The following SLC39A9 variants were observed in gnomAD, a reference collection of about 807,000 sequenced individuals.
The protein encoded by SLC39A9 is solute carrier family 39 member 9.
A neutral mutation model predicts 28.4 loss-of-function variants in SLC39A9; 14 were observed. The observed-to-expected ratio is 0.49, with a 90% CI of 0.33 to 0.77. The LOEUF (loss-of-function observed/expected upper bound fraction) is 0.77. Ranked by LOEUF, SLC39A9 falls within the 30% of genes least tolerant of loss-of-function variation. The pLI, the probability that SLC39A9 is intolerant of heterozygous loss-of-function variation, is 0.02. For synonymous variants in SLC39A9, 119 were observed against 149.6 expected (o/e 0.80, Z 1.49); for missense variants, 283 against 381.1 (o/e 0.74, Z 2.14).
chr14:69,409,450 T>A (rs1157350491), intron 1 of SLC39A9, among the ~76,000 whole-genome samples: 1 of 152,188 alleles, frequency 6.6e-6, no homozygotes, highest in Non-Finnish European at 1.5e-5. Flanking sequence ...GCGATCCTTC[T>A]ACCTCAACCT....
intron 3 of SLC39A9, among the ~76,000 whole-genome samples, chr14:69,448,016 C>T (rs1885419945): frequency 6.6e-6 from 1 of 151,536 alleles, no homozygotes; most frequent in African/African-American, 2.4e-5. Context: ...AGATCGAGAC[C>T]ATCCTGGCTA....
chr14:69,444,413 T>A (rs865881824), intron 3 of SLC39A9, among the ~76,000 whole-genome samples: 5 of 152,142 alleles, frequency 3.3e-5, no homozygotes, highest in Non-Finnish European at 5.9e-5. Context: ...CTTAAACTTA[T>A]GAAAAGATGT....
intron 5 of SLC39A9, 70 bp downstream of exon 5, chr14:69,454,967 T>A: frequency 8.6e-7 from 1 of 1,167,898 alleles, no homozygotes; most frequent in Non-Finnish European, 1.3e-6. Flanking sequence ...TGGTCCTTAA[T>A]GTTTTTCCTG....
At chr14:69,398,502 G>A, upstream of SLC39A9, 1 of 576,716 alleles carries the variant, frequency 1.7e-6, no homozygotes, top group Non-Finnish European at 3.1e-6. Context: ...TCAAGACGCT[G>A]TCTTCCGTAC....
intron 1 of SLC39A9, among the ~76,000 whole-genome samples, chr14:69,402,288 G>A (rs954441324): frequency 2.0e-5 from 3 of 151,936 alleles, no homozygotes; most frequent in Non-Finnish European, 4.4e-5. Context: ...TTTGTGTAAG[G>A]CTTCATTCAA....
Position 69,399,083 on chromosome 14 carries a change from C to G in SLC39A9, c.-287C>G, listed in dbSNP as rs1023562330. The stretch of plus-strand genomic sequence containing the variant: ...GCACATTTTCCCCATTGACTTTTCC[C>G]ATCTCTGTTAACCCACGAGAATCTA... On this transcript the variant is annotated 5_prime_UTR_variant, in exon 1 of 7. Transcript: ENST00000336643. 8 of 366,672 alleles carry G rather than the reference C, an allele frequency of 2.2e-5. No individual in the cohort carries two copies. The highest frequency in any genetic ancestry group is 1.3e-4 in the African/African-American group (6 of 46,298). 22.7% of individuals were successfully genotyped at this position (366,672 alleles called of 1,614,324 possible).
intron 3 of SLC39A9, among the ~76,000 whole-genome samples, chr14:69,445,936 T>G (rs1885273335): frequency 1.3e-5 from 2 of 152,176 alleles, no homozygotes; most frequent in South Asian, 4.1e-4. Context: ...AAAAACTAAT[T>G]CAAGTAAATT....
intron 1 of SLC39A9, among the ~76,000 whole-genome samples, chr14:69,402,542 G>A (rs1446188263): frequency 6.6e-6 from 1 of 151,952 alleles, no homozygotes; most frequent in African/African-American, 2.4e-5. Flanking sequence ...CCTGCCAGAT[G>A]TGCCCACCAA....
chr14:69,434,073 C>CTTTTTT (rs1566917650), intron 2 of SLC39A9, among the ~76,000 whole-genome samples: 2 of 139,286 alleles, frequency 1.4e-5, no homozygotes, highest in African/African-American at 5.3e-5. Flanking sequence ...GCATGTAATT[C>CTTTTTT]TTTTCTTTTC....
Position 69,460,035 on chromosome 14 carries a change from G to A in SLC39A9, c.*1442G>A. 1 of 984,770 alleles carries A rather than the reference G, an allele frequency of 1.0e-6. No homozygotes were observed. The highest frequency in any genetic ancestry group is 1.1e-4 in the East Asian group (1 of 8,816). 61.0% of individuals were successfully genotyped at this position (984,770 alleles called of 1,614,324 possible). ...ATAGCAAAAGTGTTTAACAGACTAG[G>A]ATAATTTTTTTTTCATATTTGCCAA... On this transcript the variant is annotated 3_prime_UTR_variant, in exon 7 of 7. Coordinates refer to ENST00000336643, the MANE Select transcript of SLC39A9 (RefSeq NM_018375.5).
At chr14:69,439,530 TG>T (rs1487551426) in intron 2 of SLC39A9, among the ~76,000 whole-genome samples, 2 of 152,184 alleles carry the variant, frequency 1.3e-5, no homozygotes, top group Non-Finnish European at 2.9e-5. Flanking sequence ...GTACCCAAAG[TG>T]ATCTACAGAT....
In SLC39A9 at chr14:69,426,344, G is replaced by A. The variant is rs547375013; in HGVS notation, c.205+2142G>A. On this transcript the variant is annotated intron_variant, in intron 2 of 6. Transcript: ENST00000336643. The stretch of plus-strand genomic sequence containing the variant: ...GGGTTCAGTCAATTTGCAAGAGTGG[G>A]TCACAGAACTCAGAGAAACACTTAC... Among the ~76,000 whole-genome samples, 5 of 152,254 alleles carry A rather than the reference G, an allele frequency of 3.3e-5. No individual in the cohort carries two copies. In the South Asian group the frequency reaches 1.0e-3, roughly 32 times the overall value.
intron 2 of SLC39A9, among the ~76,000 whole-genome samples, chr14:69,426,751 A>T (rs1017556828): frequency 1.3e-5 from 2 of 152,230 alleles, no homozygotes; most frequent in African/African-American, 4.8e-5. Flanking sequence ...GAGGCCTAAC[A>T]CACCCAACAG....
At chr14:69,431,301 T>C (rs1884478118) in intron 2 of SLC39A9, among the ~76,000 whole-genome samples, 1 of 152,168 alleles carries the variant, frequency 6.6e-6, no homozygotes, top group African/African-American at 2.4e-5. Flanking sequence ...ATAAGAAATT[T>C]CATTACGTAT....
At chr14:69,410,677 T>C (rs1288757382) in intron 1 of SLC39A9, among the ~76,000 whole-genome samples, 1 of 152,234 alleles carries the variant, frequency 6.6e-6, no homozygotes, top group Non-Finnish European at 1.5e-5. Flanking sequence ...TTAAGAAATA[T>C]CTCTTTCTTG....
At chr14:69,407,972 A>T (rs1481042359) in intron 1 of SLC39A9, among the ~76,000 whole-genome samples, 1 of 151,534 alleles carries the variant, frequency 6.6e-6, no homozygotes, top group African/African-American at 2.4e-5. Flanking sequence ...TCAATTCCTC[A>T]TCATTCTAGT....
intron 3 of SLC39A9, among the ~76,000 whole-genome samples, chr14:69,442,611 A>T (rs541557651): frequency 6.6e-6 from 1 of 152,256 alleles, no homozygotes; most frequent in East Asian, 1.9e-4. Context: ...TATAAAACAT[A>T]GTACATAAGA....
intron 1 of SLC39A9, among the ~76,000 whole-genome samples, chr14:69,400,105 G>C (rs1270895827): frequency 6.6e-6 from 1 of 152,150 alleles, no homozygotes; most frequent in Admixed American, 6.5e-5. Flanking sequence ...TTTTCTACAT[G>C]AACTGAAATC....
intron 3 of SLC39A9, among the ~76,000 whole-genome samples, chr14:69,447,110 T>C (rs1035105413): frequency 2.0e-5 from 3 of 152,060 alleles, no homozygotes; most frequent in Admixed American, 6.6e-5. Flanking sequence ...GAATGTTAAA[T>C]GTAGGGGGCA....
Sources: gnomAD v4.1 joint callset for allele counts (sites outside exome capture counted in the v4.1 genomes callset) on GRCh38, gnomAD v4.1.1 for gene constraint, MANE v1.5 for transcripts, NCBI Gene and HGNC (gene_info 2026-07-23, HGNC 2026-07-21) for gene names.